The following ADCY3 variants were observed in gnomAD, a reference collection of about 807,000 sequenced individuals.
The protein encoded by ADCY3 is adenylate cyclase 3.
ADCY3 carries 70 observed loss-of-function variants against 119.4 expected under a neutral mutation model. That is an observed-to-expected ratio of 0.59 (90% CI 0.48 to 0.72). The LOEUF (loss-of-function observed/expected upper bound fraction) is 0.72. ADCY3 is among the 30% of genes least tolerant of loss of function. The pLI is 0.00. For synonymous variants in ADCY3, 672 were observed against 621.4 expected, an observed-to-expected ratio of 1.08 and a Z score of -1.21; for missense variants, 1,238 against 1,541.6, an observed-to-expected ratio of 0.80 and a Z score of 3.30.
Position 24,859,480 on chromosome 2 carries a change from A to C in ADCY3, c.825+13090T>G, listed in dbSNP as rs547903038. Reference sequence around the variant, plus strand: ...TCTGGCTCTGACTCCCCTCTCCCCTACCAAGCGCCTATAAGAACAGGGCTC... The same window carrying C: ...TCTGGCTCTGACTCCCCTCTCCCCTCCCAAGCGCCTATAAGAACAGGGCTC... On this transcript the variant is annotated intron_variant, in intron 3 of 21. Transcript: ENST00000679454. Among the ~76,000 whole-genome samples, 3 of 152,192 alleles carry C rather than the reference A, an allele frequency of 2.0e-5. No homozygotes were observed. In the East Asian group the frequency reaches 5.8e-4, roughly 29 times the overall value.
At chr2:24,913,315 C>G (rs887012780) in intron 2 of ADCY3, among the ~76,000 whole-genome samples, 4 of 105,726 alleles carry the variant, frequency 3.8e-5, no homozygotes, top group Non-Finnish European at 7.3e-5. Context: ...TCATGGGCTT[C>G]TCCCTTCTTT....
rs1037927191 is a variant in ADCY3 at position 24,872,908 on chromosome 2, G to A, written c.676-189C>T. On this transcript the variant is annotated intron_variant, in intron 2 of 21. Transcript: ENST00000679454. The surrounding 1 kb of genome is among the most constrained non-coding windows in gnomAD (Gnocchi z 4.4). Reference sequence around the variant, plus strand: ...CCTCAGACACCACCACATGTACCACGGATGGGTGGTCCACCCAGGGGCATG... The same window carrying A: ...CCTCAGACACCACCACATGTACCACAGATGGGTGGTCCACCCAGGGGCATG... 1.3e-5 allele frequency among the ~76,000 whole-genome samples: 2 copies of A among 152,210 alleles called. No homozygotes were observed. Among genetic ancestry groups the A allele is most frequent in the Non-Finnish European group, 2.9e-5 (2 of 68,034 alleles).
At chr2:24,902,545 T>C (rs1277970865) in intron 2 of ADCY3, among the ~76,000 whole-genome samples, 1 of 152,120 alleles carries the variant, frequency 6.6e-6, no homozygotes, top group Non-Finnish European at 1.5e-5. Context: ...ACCATAGCTC[T>C]TACCACACCA....
Position 24,834,033 on chromosome 2 carries a change from C to G in ADCY3, c.1967+452G>C, listed in dbSNP as rs1669961433. ...GGACTCCAGGAGGCCACACCTTGCC[C>G]TGGAGGACCTACTGCTGCGTTAGAG... On this transcript the variant is annotated intron_variant, in intron 11 of 21. Coordinates refer to ENST00000679454, the MANE Select transcript of ADCY3 (RefSeq NM_004036.5). This position sits in a 1 kb window ranked among gnomAD's most constrained non-coding sequence, Gnocchi z 4.2. Among the ~76,000 whole-genome samples, 1 of 152,260 alleles carries G rather than the reference C, an allele frequency of 6.6e-6. No homozygotes were observed. The highest frequency in any genetic ancestry group is 2.1e-4 in the South Asian group (1 of 4,838).
chr2:24,918,252 G>A lies in ADCY3; in HGVS notation c.675+61C>T. The A allele has an allele frequency of 2.0e-6, 3 of 1,502,644 alleles. No homozygotes were observed. The highest frequency in any genetic ancestry group is 2.7e-5 in the South Asian group (2 of 73,894). 93.1% of individuals were successfully genotyped at this position (1,502,644 alleles called of 1,614,324 possible). ...GCAAAGCAAACAGCAACTCCAACAG[G>A]TCCCAAGTTGGTGAGAGCTGCAGGA... On this transcript the variant is annotated intron_variant, in intron 2 of 21. Transcript: ENST00000679454. This position sits in a 1 kb window ranked among gnomAD's most constrained non-coding sequence, Gnocchi z 5.4.
chr2:24,893,366 TTC>T (rs60841125), intron 2 of ADCY3, among the ~76,000 whole-genome samples: 12,918 of 151,568 alleles, frequency 0.085, 1,730 homozygotes, highest in African/African-American at 0.29. Context: ...GCGAGAAAAT[TTC>T]TTTTTGTAGA....
Position 24,841,761 on chromosome 2 carries a change from G to A in ADCY3, c.957-94C>T. ...CCCTCTCCAACCCACAGGGCAGCCA[G>A]GATCAGGGCAGGAGAAGGTCCTCCC... On this transcript the variant is annotated intron_variant, in intron 4 of 21. Transcript: ENST00000679454. The surrounding 1 kb of genome is among the most constrained non-coding windows in gnomAD (Gnocchi z 5.8). The A allele has an allele frequency of 1.1e-6, 1 of 933,860 alleles. No homozygotes were observed. The highest frequency in any genetic ancestry group is 1.7e-6 in the Non-Finnish European group (1 of 588,562). 57.8% of individuals were successfully genotyped at this position (933,860 alleles called of 1,614,324 possible). A position where few individuals can be genotyped will look rare whatever the true frequency, so the allele number is the denominator to read the frequency against.
chr2:24,840,458 G>A (rs1670865922), intron 6 of ADCY3: 3 of 404,530 alleles, frequency 7.4e-6, no homozygotes, highest in African/African-American at 4.2e-5. Context: ...TAGAGTTCCT[G>A]GACTACCACC....
rs529302905 is a variant in ADCY3, at chr2:24,834,515, G to A, written c.1937C>T (p.Thr646Met). The change falls in exon 11 of 22, where the codon ACG (threonine) becomes ATG (methionine). Residue 646 changes from threonine to methionine, a missense_variant. Physicochemically the swap from Thr to Met is moderately conservative, Grantham distance 81. Around this residue, in one of 7 missense-constraint regions of ADCY3, gnomAD observed 499 missense variants for 571.0 expected, o/e 0.87. Coordinates refer to ENST00000679454, the MANE Select transcript of ADCY3 (RefSeq NM_004036.5). The surrounding 1 kb of genome is among the most constrained non-coding windows in gnomAD (Gnocchi z 4.2). ...FSCSCVVLLC[T>M]ALVEILIDPW... is the part of the protein sequence containing the mutation. The stretch of plus-strand genomic sequence containing the variant: ...GTCGATGAGTATCTCGACCAGGGCC[G>A]TGCAGAGCAGGACGACGCAGGAGCA... 17 of 1,613,322 alleles carry A rather than the reference G, an allele frequency of 1.1e-5. No individual in the cohort carries two copies. Among genetic ancestry groups the A allele is most frequent in the African/African-American group, 6.7e-5 (5 of 74,962 alleles).
At position 24,824,430 on chromosome 2, in the gene ADCY3, A is replaced by G; in HGVS notation, c.2684T>C (p.Met895Thr). 6.2e-7 allele frequency: 1 copy of G among 1,614,214 alleles called. No homozygotes were observed. The highest frequency in any genetic ancestry group is 8.5e-7 in the Non-Finnish European group (1 of 1,180,028). The change falls in exon 17 of 22, where the codon ATG becomes ACG. Residue 895 changes from methionine (M) to threonine (T), a missense_variant. By Grantham distance (81) the Met-to-Thr change is moderately conservative. Coordinates refer to ENST00000679454, the MANE Select transcript of ADCY3 (RefSeq NM_004036.5). ...ATGGCGTGCCACGTGCTCAGGCAAC[A>G]TGTTGGTGACCAAGGCCTCGTTCCA... ...RRWNEALVTN[M>T]LPEHVARHFL... is the part of the protein sequence containing the mutation.
Position 24,834,704 on chromosome 2 carries a change from G to C in ADCY3, c.1806-58C>G. The C allele has an allele frequency of 1.9e-6, 3 of 1,604,030 alleles. No homozygotes were observed. The highest frequency in any genetic ancestry group is 1.7e-4 in the Middle Eastern group (1 of 5,948). On this transcript the variant is annotated intron_variant, in intron 10 of 21. Coordinates refer to ENST00000679454, the MANE Select transcript of ADCY3 (RefSeq NM_004036.5). The surrounding 1 kb of genome is among the most constrained non-coding windows in gnomAD (Gnocchi z 4.2). ...TGCCACATCTGCCTTGGCCTAGCAG[G>C]GGGGCCGTATTTGGGATGCTCAGTT...
intron 2 of ADCY3, among the ~76,000 whole-genome samples, chr2:24,885,685 A>G (rs1198429358): frequency 6.6e-6 from 1 of 152,166 alleles, no homozygotes; most frequent in Non-Finnish European, 1.5e-5. Context: ...GGTCCTGCCA[A>G]TCCACCCTGG....
Position 24,841,741 on chromosome 2 carries a change from T to A in ADCY3, c.957-74A>T. On this transcript the variant is annotated intron_variant, in intron 4 of 21. Coordinates refer to ENST00000679454, the MANE Select transcript of ADCY3 (RefSeq NM_004036.5). The surrounding 1 kb of genome is among the most constrained non-coding windows in gnomAD (Gnocchi z 5.8). Reference sequence around the variant, plus strand: ...ACCCGACCCCACTGCCAGCTCCCTCTCCAACCCACAGGGCAGCCAGGATCA... The same window carrying A: ...ACCCGACCCCACTGCCAGCTCCCTCACCAACCCACAGGGCAGCCAGGATCA... 8.6e-7 allele frequency: 1 copy of A among 1,160,586 alleles called. No homozygotes were observed. The highest frequency in any genetic ancestry group is 2.4e-5 in the East Asian group (1 of 41,454). 71.9% of individuals were successfully genotyped at this position (1,160,586 alleles called of 1,614,324 possible).
chr2:24,820,283 G>T, intron 21 of ADCY3, 169 bp from the exon 22 acceptor site: 1 of 1,261,514 alleles, frequency 7.9e-7, no homozygotes, highest in Non-Finnish European at 1.0e-6. Flanking sequence ...GCGAGCAGCG[G>T]GTGGGAAGGA....
intron 2 of ADCY3, among the ~76,000 whole-genome samples, chr2:24,902,945 C>T (rs1289835566): frequency 6.6e-6 from 1 of 152,028 alleles, no homozygotes; most frequent in Non-Finnish European, 1.5e-5. Context: ...GCAGGAGGAT[C>T]ACTTGAGCCC....
At chr2:24,873,958 G>A (rs1160766544) in intron 2 of ADCY3, among the ~76,000 whole-genome samples, 1 of 152,228 alleles carries the variant, frequency 6.6e-6, no homozygotes, top group Admixed American at 6.5e-5. Flanking sequence ...AGAGTAGACT[G>A]TATTCTGGGG....
chr2:24,902,898 G>C (rs1346633753), intron 2 of ADCY3, among the ~76,000 whole-genome samples: 1 of 152,048 alleles, frequency 6.6e-6, no homozygotes, highest in African/African-American at 2.4e-5. Context: ...GAGTGTTGTG[G>C]CACATATTTG....
chr2:24,874,432 G>T (rs900476240), intron 2 of ADCY3, among the ~76,000 whole-genome samples: 1 of 152,194 alleles, frequency 6.6e-6, no homozygotes, highest in Admixed American at 6.5e-5. Context: ...GTCAACACCT[G>T]AATGGCCAGC....
Position 24,839,899 on chromosome 2 carries a change from G to C in ADCY3, c.1329C>G (p.Asn443Lys). ...CAGGGATGCCGCCGGCCTCCATCTT[G>C]TTGGCTACAGTGACATCAGTCGACC... ...DVWSTDVTVA[N>K]KMEAGGIPGR... Residue 443 changes from asparagine to lysine, a missense_variant, in exon 7 of 22, where the codon AAC becomes AAG. Asn to Lys is a moderately conservative substitution (Grantham distance 94, BLOSUM62 0). Around this residue, in one of 7 missense-constraint regions of ADCY3, gnomAD observed 283 missense variants for 437.2 expected, o/e 0.65. Transcript: ENST00000679454. 6.2e-7 allele frequency: 1 copy of C among 1,613,886 alleles called. No homozygotes were observed. The highest frequency in any genetic ancestry group is 8.5e-7 in the Non-Finnish European group (1 of 1,180,016).
Sources: allele counts gnomAD v4.1 joint callset (sites outside exome capture counted in the v4.1 genomes callset), GRCh38; gene constraint gnomAD v4.1.1; regional missense constraint gnomAD v4.1.1; non-coding constraint Gnocchi (gnomAD v3.1); transcripts MANE v1.5; gene names NCBI Gene and HGNC (gene_info 2026-07-23, HGNC 2026-07-21).